CYFIP2: variants seen among roughly 807,000 people sequenced by gnomAD.
The protein encoded by CYFIP2 is cytoplasmic FMR1 interacting protein 2, also known as cytoplasmic FMR1-interacting protein 2.
In CYFIP2, 29 loss-of-function variants were observed where a neutral mutation model predicts 158.7. That is an observed-to-expected ratio of 0.18 (90% CI 0.14 to 0.25). The LOEUF (loss-of-function observed/expected upper bound fraction) is 0.25, where lower values mean the gene tolerates loss of function less well. CYFIP2 is among the 10% of genes least tolerant of loss of function. The pLI is 1.00. For missense variants in CYFIP2, 852 were observed against 1,639.5 expected (o/e 0.52, Z 8.29); for synonymous variants, 585 against 617.6 (o/e 0.95, Z 0.78).
chr5:157,292,967 G>C (rs74733077), intron 3 of CYFIP2, among the ~76,000 whole-genome samples: 2,085 of 152,132 alleles, frequency 0.014, 23 homozygotes, highest in Non-Finnish European at 0.022. Flanking sequence ...ATTTACAATA[G>C]ACTAAAGGGC....
intron 3 of CYFIP2, among the ~76,000 whole-genome samples, chr5:157,290,361 G>C (rs950130079): frequency 2.6e-5 from 4 of 152,138 alleles, no homozygotes; most frequent in African/African-American, 4.8e-5. Context: ...TACATTCCTT[G>C]ACTCGTGGCC....
intron 1 of CYFIP2, among the ~76,000 whole-genome samples, chr5:157,276,556 T>G (rs1756560854): frequency 6.6e-6 from 1 of 152,218 alleles, no homozygotes; most frequent in Admixed American, 6.5e-5. Context: ...ATCGAGCACT[T>G]TCTACCAGCC....
intron 5 of CYFIP2, among the ~76,000 whole-genome samples, chr5:157,299,053 A>G (rs541855530): frequency 6.6e-6 from 1 of 152,162 alleles, no homozygotes; most frequent in Non-Finnish European, 1.5e-5. Flanking sequence ...GTGTGGACGT[A>G]TGTTTTCATG....
At chr5:157,288,805 C>A in intron 3 of CYFIP2, 1 of 330,494 alleles carries the variant, frequency 3.0e-6, no homozygotes, top group Non-Finnish European at 5.9e-6. Flanking sequence ...CCAGACTATG[C>A]CTTGCAGACA....
intron 23 of CYFIP2, among the ~76,000 whole-genome samples, chr5:157,357,987 T>C (rs1386853316): frequency 1.3e-5 from 2 of 152,204 alleles, no homozygotes; most frequent in Admixed American, 1.3e-4. Context: ...GTGCAGGCTT[T>C]TTCCCACCTG....
At chr5:157,302,718 T>C (rs1758880694) in intron 6 of CYFIP2, 76 bp from the exon 7 acceptor site, 4 of 1,151,682 alleles carry the variant, frequency 3.5e-6, no homozygotes, top group Non-Finnish European at 4.9e-6. Flanking sequence ...TAGGTGGGCA[T>C]GCGAGCCCGT....
rs1187032960 is a variant in CYFIP2 at position 157,323,938 on chromosome 5, C to T, written c.1689C>T (p.Thr563=). 1.9e-6 allele frequency: 3 copies of T among 1,592,796 alleles called. No individual in the cohort carries two copies. The highest frequency in any genetic ancestry group is 2.6e-6 in the Non-Finnish European group (3 of 1,168,618). ...TTTTCAAGCTGTACATGGTGCGGAC[C>T]ATGCTTGAATCACTCATTGCAGACA... The part of the protein sequence containing the change: ...PSSTQLYMVR[T]MLESLIADKS... The change falls in exon 16 of 31, where the codon ACC becomes ACT. Residue 563 remains threonine, a synonymous_variant. Transcript: ENST00000620254.
chr5:157,291,438 C>T (rs562899538), intron 3 of CYFIP2, among the ~76,000 whole-genome samples: 66 of 152,348 alleles, frequency 4.3e-4, no homozygotes, highest in Non-Finnish European at 8.2e-4. Context: ...GTCCGTAGGG[C>T]AGAGTTCACA....
At chr5:157,339,400 G>C (rs2113230108) in intron 22 of CYFIP2, 144 bp downstream of exon 22, 1 of 700,804 alleles carries the variant, frequency 1.4e-6, no homozygotes, top group Admixed American at 2.8e-5. Context: ...GCTTTGTGCT[G>C]TCTCACTTGC....
chr5:157,278,864 T>C (rs977295343), intron 1 of CYFIP2, among the ~76,000 whole-genome samples: 10 of 152,212 alleles, frequency 6.6e-5, no homozygotes, highest in Non-Finnish European at 1.5e-4. Context: ...AATGCCACTC[T>C]CTACCTGAGT....
chr5:157,377,350 G>A (rs1240371203), intron 26 of CYFIP2, among the ~76,000 whole-genome samples: 1 of 151,758 alleles, frequency 6.6e-6, no homozygotes, highest in Non-Finnish European at 1.5e-5. Context: ...CTGCCCTACT[G>A]TGGCCTCTTG....
At chr5:157,321,465 G>A (rs902958239) in intron 15 of CYFIP2, among the ~76,000 whole-genome samples, 3 of 152,214 alleles carry the variant, frequency 2.0e-5, no homozygotes, top group African/African-American at 7.2e-5. Context: ...GAGGTCGCCC[G>A]TGGCTTATCC....
In CYFIP2 at chr5:157,314,604, G is replaced by A. The variant is rs546830808; in HGVS notation, c.1230+141G>A. The A allele has an allele frequency of 5.4e-5, 69 of 1,282,140 alleles. No homozygotes were observed. In the African/African-American group the frequency reaches 9.0e-4, roughly 17 times the overall value. The allele number at this position is 1,282,140 out of a possible 1,614,324, so 79.4% of individuals were successfully genotyped here. On this transcript the variant is annotated intron_variant, in intron 12 of 30. Coordinates refer to ENST00000620254, the MANE Select transcript of CYFIP2 (RefSeq NM_001037333.3). Reference sequence around the variant, plus strand: ...TACGATTTACCCATTTAAAGTATAAGTTCATTGGTTTTTAGTATATCCGCA... The same window carrying A: ...TACGATTTACCCATTTAAAGTATAAATTCATTGGTTTTTAGTATATCCGCA...
intron 26 of CYFIP2, among the ~76,000 whole-genome samples, chr5:157,370,562 CAT>C (rs964115184): frequency 6.6e-6 from 1 of 152,226 alleles, no homozygotes; most frequent in African/African-American, 2.4e-5. Flanking sequence ...TAGGTGCTAA[CAT>C]GTGCTGGTTT....
chr5:157,275,131 C>G (rs1436077647), intron 1 of CYFIP2, among the ~76,000 whole-genome samples: 1 of 152,108 alleles, frequency 6.6e-6, no homozygotes. Flanking sequence ...ATATTTTCTT[C>G]TATTCTGTGG....
At position 157,311,620 on chromosome 5, in the gene CYFIP2, G is replaced by T; in HGVS notation, c.993-44G>T. 6.5e-7 allele frequency: 1 copy of T among 1,538,558 alleles called. No individual in the cohort carries two copies. The highest frequency in any genetic ancestry group is 8.8e-7 in the Non-Finnish European group (1 of 1,134,974). On this transcript the variant is annotated intron_variant, in intron 10 of 30. Coordinates refer to ENST00000620254, the MANE Select transcript of CYFIP2 (RefSeq NM_001037333.3). This position sits in a 1 kb window ranked among gnomAD's most constrained non-coding sequence, Gnocchi z 4.7. ...CAGCTAATGCCTGTTCCACCCAGGC[G>T]CCTGAGGCTGGGACCCTCTCCGACC...
chr5:157,315,561 ATG>A (rs1760073890), intron 13 of CYFIP2, among the ~76,000 whole-genome samples: 1 of 152,240 alleles, frequency 6.6e-6, no homozygotes, highest in East Asian at 1.9e-4. Context: ...TAGGCTTTCT[ATG>A]AGAGCAATCT....
chr5:157,272,897 A>G (rs1019786844), intron 1 of CYFIP2, among the ~76,000 whole-genome samples: 6 of 151,944 alleles, frequency 3.9e-5, no homozygotes, highest in Admixed American at 3.3e-4. Context: ...ATGGAGTTTC[A>G]CTCTTGTTCC....
At chr5:157,322,209 A>T (rs760682070) in intron 15 of CYFIP2, among the ~76,000 whole-genome samples, 6 of 152,084 alleles carry the variant, frequency 3.9e-5, no homozygotes, top group Non-Finnish European at 7.4e-5. Flanking sequence ...TCTCTTGCGG[A>T]TGGGGAAACT....
Sources: gnomAD v4.1 joint callset for allele counts (sites outside exome capture counted in the v4.1 genomes callset) on GRCh38, gnomAD v4.1.1 for gene constraint, Gnocchi (gnomAD v3.1) non-coding constraint, MANE v1.5 for transcripts, NCBI Gene and HGNC (gene_info 2026-07-23, HGNC 2026-07-21) for gene names.